Variants in CFAP77 observed in about 807,000 individuals in gnomAD.
CFAP77 encodes cilia- and flagella-associated protein 77.
CFAP77 carries 25 observed loss-of-function variants against 31.1 expected under a neutral mutation model. The ratio of observed to expected loss-of-function variants is 0.80; its 90% confidence interval spans 0.59 to 1.12. The LOEUF (loss-of-function observed/expected upper bound fraction) is 1.12, where lower values mean the gene tolerates loss of function less well. Among genes scored for constraint, CFAP77 ranks in the 50% most tolerant of loss-of-function variants. The pLI is 0.00. For synonymous variants in CFAP77, 151 were observed against 159.9 expected (o/e 0.94, Z 0.42); for missense variants, 377 against 397.3 (o/e 0.95, Z 0.44).
chr9:132,531,226 TCA>T (rs756029247), intron 3 of CFAP77, among the ~76,000 whole-genome samples: 3 of 152,170 alleles, frequency 2.0e-5, no homozygotes, highest in African/African-American at 4.8e-5. Flanking sequence ...TCTTTCTCTC[TCA>T]GTCTTTTTCA....
intron 3 of CFAP77, among the ~76,000 whole-genome samples, chr9:132,535,756 T>TAAA (rs1394579131): frequency 6.6e-6 from 1 of 151,126 alleles, no homozygotes; most frequent in African/African-American, 2.5e-5. Context: ...TAAAGTCACT[T>TAAA]GAAATCATCT....
intron 3 of CFAP77, among the ~76,000 whole-genome samples, chr9:132,532,416 C>T (rs926866637): frequency 1.3e-5 from 2 of 152,160 alleles, no homozygotes; most frequent in African/African-American, 4.8e-5. Context: ...AGGCCTGGGG[C>T]GGAAGGGGAA....
At chr9:132,496,542 G>A (rs112473494) in intron 1 of CFAP77, among the ~76,000 whole-genome samples, 3,035 of 152,332 alleles carry the variant, frequency 0.02, 90 homozygotes, top group African/African-American at 0.07. Flanking sequence ...GCTACTTTCT[G>A]TCTCTGGATT....
rs534014939 is a variant in CFAP77, at chr9:132,545,720, C to T, written c.732+2673C>T. 1.4e-4 allele frequency among the ~76,000 whole-genome samples: 22 copies of T among 152,266 alleles called. No individual in the cohort carries two copies. In the East Asian group the frequency reaches 3.7e-3, roughly 25 times the overall value. ...AGTAACACCAACAAAAAGTATTTAC[C>T]GAGCCCTTAGAATGCACCCGGCGCT... is the stretch of plus-strand genomic sequence containing the variant. On this transcript the variant is annotated intron_variant, in intron 5 of 5. Transcript: ENST00000393216. The surrounding 1 kb of genome is among the most constrained non-coding windows in gnomAD (Gnocchi z 4.6).
chr9:132,522,878 C>T (rs959925760), intron 3 of CFAP77, among the ~76,000 whole-genome samples: 2 of 152,126 alleles, frequency 1.3e-5, no homozygotes, highest in East Asian at 3.9e-4. Flanking sequence ...GTCTGGGGAC[C>T]GGAATTCATC....
chr9:132,523,923 C>T (rs1852313061), intron 3 of CFAP77, among the ~76,000 whole-genome samples: 1 of 152,162 alleles, frequency 6.6e-6, no homozygotes, highest in South Asian at 2.1e-4. Flanking sequence ...AGGATGAATG[C>T]AAGATATTAC....
chr9:132,443,666 G>A (rs1850657091), intron 1 of CFAP77, among the ~76,000 whole-genome samples: 1 of 152,172 alleles, frequency 6.6e-6, no homozygotes, highest in African/African-American at 2.4e-5. Context: ...GTCAGTTATT[G>A]TCACTTACAT....
chr9:132,491,998 TAGACTTTTGCC>T (rs1851660667), intron 1 of CFAP77, among the ~76,000 whole-genome samples: 1 of 152,222 alleles, frequency 6.6e-6, no homozygotes, highest in Non-Finnish European at 1.5e-5. Context: ...TATTGAACAG[TAGACTTTTGCC>T]AGGCACAGTG....
chr9:132,536,081 A>T (rs1334386992), intron 3 of CFAP77, among the ~76,000 whole-genome samples: 2 of 152,160 alleles, frequency 1.3e-5, no homozygotes, highest in African/African-American at 4.8e-5. Context: ...TATACATCAT[A>T]AATTCTAGAT....
At chr9:132,493,723 G>A (rs1018733981) in intron 1 of CFAP77, among the ~76,000 whole-genome samples, 2 of 152,232 alleles carry the variant, frequency 1.3e-5, no homozygotes, top group African/African-American at 2.4e-5. Context: ...GGCTGCATCC[G>A]CATGGAGGAG....
At chr9:132,459,361 G>A (rs541376161) in intron 1 of CFAP77, among the ~76,000 whole-genome samples, 13 of 152,182 alleles carry the variant, frequency 8.5e-5, no homozygotes, top group Admixed American at 2.6e-4. Context: ...GTGAACCACC[G>A]CGCCCGGCCA....
At chr9:132,425,606 G>A (rs1850300711) in intron 1 of CFAP77, among the ~76,000 whole-genome samples, 1 of 152,066 alleles carries the variant, frequency 6.6e-6, no homozygotes, top group South Asian at 2.1e-4. Context: ...TGCAGTTTTA[G>A]GAGTCTTTTC....
chr9:132,451,727 G>A (rs1430889378), intron 1 of CFAP77, among the ~76,000 whole-genome samples: 1 of 151,792 alleles, frequency 6.6e-6, no homozygotes, highest in East Asian at 1.9e-4. Flanking sequence ...CTTCATTATG[G>A]CATCTCTCCA....
intron 1 of CFAP77, among the ~76,000 whole-genome samples, chr9:132,476,075 G>A (rs1048188392): frequency 6.6e-5 from 10 of 152,098 alleles, no homozygotes; most frequent in African/African-American, 2.4e-4. Context: ...AGTCTTTCTC[G>A]AATGCCACCT....
intron 3 of CFAP77, among the ~76,000 whole-genome samples, chr9:132,536,982 C>T (rs1564244667): frequency 6.6e-6 from 1 of 152,050 alleles, no homozygotes; most frequent in Non-Finnish European, 1.5e-5. Context: ...TCAAAGGGAA[C>T]CAGAGCCAGA....
intron 1 of CFAP77, among the ~76,000 whole-genome samples, chr9:132,468,257 G>T (rs1851189940): frequency 6.6e-6 from 1 of 152,074 alleles, no homozygotes; most frequent in South Asian, 2.1e-4. Context: ...GAGGGGGGAG[G>T]ATTGCTTGAG....
intron 1 of CFAP77, among the ~76,000 whole-genome samples, chr9:132,419,389 G>A (rs760426585): frequency 6.6e-6 from 1 of 152,212 alleles, no homozygotes; most frequent in Non-Finnish European, 1.5e-5. Context: ...CAGCGTCTAA[G>A]CTGTGCCGTG....
rs1252800642 is a variant in CFAP77, at chr9:132,565,554, C to T, written c.733-6834C>T. 2.0e-5 allele frequency among the ~76,000 whole-genome samples: 3 copies of T among 152,026 alleles called. No homozygotes were observed. Among genetic ancestry groups the T allele is most frequent in the African/African-American group, 7.2e-5 (3 of 41,382 alleles). On this transcript the variant is annotated intron_variant, in intron 5 of 5. Coordinates refer to ENST00000393216, the MANE Select transcript of CFAP77 (RefSeq NM_001282957.2). This position sits in a 1 kb window ranked among gnomAD's most constrained non-coding sequence, Gnocchi z 4.1. ...GCTGAGGAAGGAGGATCGCTTGAAC[C>T]CGGGAGGCAGAGTTTGCAGTGAGCT...
chr9:132,553,312 T>A (rs149533533), intron 5 of CFAP77, among the ~76,000 whole-genome samples: 1,639 of 152,204 alleles, frequency 0.011, 39 homozygotes, highest in African/African-American at 0.037. Flanking sequence ...TCACATACGC[T>A]TTTTGTTGGC....
Sources: allele counts gnomAD v4.1 joint callset (sites outside exome capture counted in the v4.1 genomes callset), GRCh38; gene constraint gnomAD v4.1.1; non-coding constraint Gnocchi (gnomAD v3.1); transcripts MANE v1.5; gene names NCBI Gene and HGNC (gene_info 2026-07-23, HGNC 2026-07-21).